Variants in UNC5D observed in about 807,000 individuals in gnomAD.
UNC5D encodes netrin receptor UNC5D.
In UNC5D, 39 loss-of-function variants were observed where a neutral mutation model predicts 105.4. That is an observed-to-expected ratio of 0.37 (90% CI 0.29 to 0.48). The LOEUF (loss-of-function observed/expected upper bound fraction) is 0.48. UNC5D is among the 20% of genes least tolerant of loss of function. The pLI, the probability that UNC5D is intolerant of heterozygous loss-of-function variation, is 0.98. For missense variants in UNC5D, 991 were observed against 1,202.4 expected (o/e 0.82, Z 2.60); for synonymous variants, 452 against 450.4 (o/e 1.00, Z -0.04).
At chr8:35,672,301 C>A (rs1474235765) in intron 4 of UNC5D, among the ~76,000 whole-genome samples, 1 of 152,142 alleles carries the variant, frequency 6.6e-6, no homozygotes, top group Non-Finnish European at 1.5e-5. Flanking sequence ...ACATTATTTA[C>A]ATACCTCAGA....
At chr8:35,422,524 C>G (rs539916101) in intron 1 of UNC5D, among the ~76,000 whole-genome samples, 16 of 152,308 alleles carry the variant, frequency 1.1e-4, no homozygotes, top group African/African-American at 3.8e-4. Flanking sequence ...ATTGCCTCTG[C>G]AATACAAAAT....
intron 11 of UNC5D, among the ~76,000 whole-genome samples, chr8:35,745,662 C>G (rs1397604684): frequency 2.0e-5 from 3 of 152,146 alleles, no homozygotes; most frequent in Non-Finnish European, 4.4e-5. Context: ...ATTTAAACTA[C>G]AAATATATCA....
Position 35,790,960 on chromosome 8 carries a change from T to C in UNC5D, c.*397T>C. On this transcript the variant is annotated 3_prime_UTR_variant, in exon 17 of 17. Coordinates refer to ENST00000404895, the MANE Select transcript of UNC5D (RefSeq NM_080872.4). ...CCAAAGGGCCAGCTGATTCTGGTAC[T>C]AGATTGTCAGAGTTTTCTACCAACT... The C allele has an allele frequency of 5.0e-6, 1 of 199,930 alleles. No homozygotes were observed. Among genetic ancestry groups the C allele is most frequent in the Non-Finnish European group, 1.0e-5 (1 of 95,730 alleles). 12.4% of individuals were successfully genotyped at this position (199,930 alleles called of 1,614,324 possible).
chr8:35,431,828 A>T (rs1021968940), intron 1 of UNC5D, among the ~76,000 whole-genome samples: 1 of 152,262 alleles, frequency 6.6e-6, no homozygotes, highest in Admixed American at 6.5e-5. Context: ...ACAGTGTAAT[A>T]TTTAAAAGTA....
intron 8 of UNC5D, among the ~76,000 whole-genome samples, chr8:35,714,610 A>G (rs1307756729): frequency 1.3e-5 from 2 of 152,238 alleles, no homozygotes; most frequent in East Asian, 3.9e-4. Context: ...AAACTTCAAG[A>G]GAATCAAATT....
chr8:35,382,585 C>G (rs994792424), intron 1 of UNC5D, among the ~76,000 whole-genome samples: 2 of 152,060 alleles, frequency 1.3e-5, no homozygotes, highest in Non-Finnish European at 2.9e-5. Context: ...AGTACTTTAT[C>G]TTTTGTGTTG....
chr8:35,686,217 C>T (rs983777709), intron 6 of UNC5D, among the ~76,000 whole-genome samples: 4 of 152,102 alleles, frequency 2.6e-5, no homozygotes, highest in African/African-American at 9.7e-5. Context: ...TATCTGTCCA[C>T]CTAAGATGCA....
At chr8:35,361,898 AT>A (rs1269020817) in intron 1 of UNC5D, among the ~76,000 whole-genome samples, 2 of 152,194 alleles carry the variant, frequency 1.3e-5, no homozygotes, top group African/African-American at 4.8e-5. Flanking sequence ...GCTATATTGC[AT>A]TTTATTCAAA....
intron 1 of UNC5D, among the ~76,000 whole-genome samples, chr8:35,431,410 A>G (rs1025817571): frequency 6.6e-6 from 1 of 152,166 alleles, no homozygotes; most frequent in Non-Finnish European, 1.5e-5. Context: ...TAGAATAAGA[A>G]ATTAGGAATA....
intron 1 of UNC5D, among the ~76,000 whole-genome samples, chr8:35,306,772 A>G (rs1047447415): frequency 3.9e-5 from 6 of 152,156 alleles, no homozygotes; most frequent in Non-Finnish European, 8.8e-5. Context: ...GTTGGAATAC[A>G]CTTCTTGGAT....
At chr8:35,415,656 C>T (rs983904333) in intron 1 of UNC5D, among the ~76,000 whole-genome samples, 1 of 152,090 alleles carries the variant, frequency 6.6e-6, no homozygotes, top group Admixed American at 6.6e-5. Context: ...CAGGCAGCTA[C>T]TTTGAATTTC....
intron 3 of UNC5D, among the ~76,000 whole-genome samples, chr8:35,572,229 A>G (rs1029897815): frequency 2.3e-5 from 3 of 129,488 alleles, no homozygotes; most frequent in Non-Finnish European, 4.7e-5. Flanking sequence ...TGGAGGTTGT[A>G]GTGAGCTGAG....
intron 4 of UNC5D, among the ~76,000 whole-genome samples, chr8:35,646,768 A>T (rs565588525): frequency 2.6e-4 from 40 of 152,280 alleles, no homozygotes; most frequent in Non-Finnish European, 5.1e-4. Context: ...CCTTTTAATC[A>T]TAAATATGTT....
chr8:35,368,168 T>A (rs948276248), intron 1 of UNC5D, among the ~76,000 whole-genome samples: 2 of 152,190 alleles, frequency 1.3e-5, no homozygotes, highest in African/African-American at 4.8e-5. Flanking sequence ...ATTGAAAACA[T>A]TATCTTGGTT....
intron 1 of UNC5D, among the ~76,000 whole-genome samples, chr8:35,402,311 T>G (rs545932863): frequency 2.0e-5 from 3 of 152,048 alleles, no homozygotes; most frequent in Non-Finnish European, 4.4e-5. Context: ...ACAGTCATGA[T>G]GGAAGGTGAA....
intron 1 of UNC5D, among the ~76,000 whole-genome samples, chr8:35,249,597 A>ATAATAC (rs1246606535): frequency 7.1e-6 from 1 of 140,748 alleles, no homozygotes; most frequent in Non-Finnish European, 1.6e-5. Context: ...AATAATAATA[A>ATAATAC]TAATAAAATA....
intron 4 of UNC5D, among the ~76,000 whole-genome samples, chr8:35,605,499 A>T (rs766999781): frequency 3.3e-5 from 5 of 152,190 alleles, no homozygotes; most frequent in Admixed American, 3.3e-4. Context: ...TCAGGGACCC[A>T]CTTGAGGAGG....
chr8:35,737,316 G>C (rs1829527620), intron 11 of UNC5D, among the ~76,000 whole-genome samples: 1 of 146,788 alleles, frequency 6.8e-6, no homozygotes, highest in Admixed American at 6.8e-5. Flanking sequence ...GTGTGATGAA[G>C]GAATTGAAGA....
intron 1 of UNC5D, among the ~76,000 whole-genome samples, chr8:35,493,913 A>T (rs1811373620): frequency 6.6e-6 from 1 of 152,300 alleles, no homozygotes; most frequent in South Asian, 2.1e-4. Context: ...CAAAGGAAAC[A>T]TATATGAAAA....
Sources: gnomAD v4.1 joint callset for allele counts (sites outside exome capture counted in the v4.1 genomes callset) on GRCh38, gnomAD v4.1.1 for gene constraint, MANE v1.5 for transcripts, NCBI Gene and HGNC (gene_info 2026-07-23, HGNC 2026-07-21) for gene names.